Variants in HINFP observed in about 807,000 individuals in gnomAD.
HINFP encodes histone H4 transcription factor, also known as MBD2 (methyl-CpG-binding protein)-interacting zinc finger protein.
In HINFP, 20 loss-of-function variants were observed where a neutral mutation model predicts 50.1. That is an observed-to-expected ratio of 0.40 (90% confidence interval 0.28 to 0.58). HINFP has a LOEUF of 0.58. HINFP is among the 20% of genes least tolerant of loss of function. The probability of loss-of-function intolerance (pLI) is 0.45; values close to 1 mark genes in which losing one functional copy is unlikely to be tolerated. For missense variants in HINFP, 505 were observed against 664.1 expected (o/e 0.76, Z 2.63); for synonymous variants, 247 against 243.7 (o/e 1.01, Z -0.13).
rs200463414 is a variant in HINFP, at chr11:119,131,543, C to T, written c.420C>T (p.Phe140=). The T allele has an allele frequency of 1.7e-5, 27 of 1,613,624 alleles. No homozygotes were observed. The highest frequency in any genetic ancestry group is 1.7e-4 in the Middle Eastern group (1 of 6,056). Reference sequence around the variant, plus strand: ...AGTTGCCCCTGGCACAGAATTCCTTCGACAATCCTGAGTGGTTTTATCGGC... The same window carrying T: ...AGTTGCCCCTGGCACAGAATTCCTTTGACAATCCTGAGTGGTTTTATCGGC... ...LCLWEHCENS[F]DNPEWFYRHV... is the part of the protein sequence containing the mutation. The change falls in exon 4 of 10, where the codon TTC becomes TTT. Residue 140 remains phenylalanine (F), a synonymous_variant. Transcript: ENST00000350777. This position sits in a 1 kb window ranked among gnomAD's most constrained non-coding sequence, Gnocchi z 4.2.
chr11:119,126,742 C>T, intron 1 of HINFP, 193 bp from the exon 2 acceptor site: 1 of 536,604 alleles, frequency 1.9e-6, no homozygotes, highest in South Asian at 2.6e-5. Flanking sequence ...TTTTTGTTTT[C>T]CCTTTCCACA....
chr11:119,133,216 T>C lies in HINFP; in HGVS notation c.1136T>C (p.Phe379Ser), dbSNP rs1346118664. ...QFKWPSGHPR[F>S]RYKEHEDGYM... The stretch of plus-strand genomic sequence containing the variant: ...AAGTGGCCCTCAGGGCATCCCCGTT[T>C]TCGGTATGTCTCTCAACCCTCCTTC... The change falls in exon 9 of 10, where the codon TTT (phenylalanine) becomes TCT (serine). Residue 379 changes from phenylalanine (F) to serine (S), a missense_variant. By Grantham distance (155) the Phe-to-Ser change is radical (BLOSUM62 -2). Transcript: ENST00000350777. 1.2e-6 allele frequency: 2 copies of C among 1,613,996 alleles called. No individual in the cohort carries two copies. Among genetic ancestry groups the C allele is most frequent in the Non-Finnish European group, 1.7e-6 (2 of 1,179,996 alleles).
intron 1 of HINFP, among the ~76,000 whole-genome samples, chr11:119,123,150 AAG>A (rs1947179229): frequency 6.6e-6 from 1 of 151,318 alleles, no homozygotes; most frequent in Non-Finnish European, 1.5e-5. Flanking sequence ...AAAAAAAAAA[AAG>A]AACTTGCGTA....
At chr11:119,122,759 A>G (rs1456643221) in intron 1 of HINFP, among the ~76,000 whole-genome samples, 1 of 152,204 alleles carries the variant, frequency 6.6e-6, no homozygotes, top group Non-Finnish European at 1.5e-5. Context: ...GGGATATGCC[A>G]GCTGTACCTG....
chr11:119,132,543 C>A lies in HINFP; in HGVS notation c.724C>A (p.Arg242=). Residue 242 remains arginine (R), a synonymous_variant, in exon 6 of 10, where the codon CGG becomes AGG. Transcript: ENST00000350777. Reference sequence around the variant, plus strand: ...CTGTTCCAAGAGATTTGCCACAGAGCGGCTATTGCGGGACCACATGCGCAA... The same window carrying A: ...CTGTTCCAAGAGATTTGCCACAGAGAGGCTATTGCGGGACCACATGCGCAA... ...SHCSKRFATE[R]LLRDHMRNHV... is the part of the protein sequence containing the mutation. 1 of 1,614,110 alleles carries A rather than the reference C, an allele frequency of 6.2e-7. No homozygotes were observed. Among genetic ancestry groups the A allele is most frequent in the Non-Finnish European group, 8.5e-7 (1 of 1,180,040 alleles).
rs779706612 is a variant in HINFP, at chr11:119,132,989, GC to G, written c.1002del (p.Val336TyrfsTer64). 3 of 1,614,214 alleles carry G rather than the reference GC, an allele frequency of 1.9e-6. No individual in the cohort carries two copies. Among genetic ancestry groups the G allele is most frequent in the Non-Finnish European group, 2.5e-6 (3 of 1,180,052 alleles). ...RSLCSIKSHY[R>X]KVHEGDSEPR... ...CTCTGCTCTATCAAGTCCCATTACC[GC>G]AAAGTACATGAAGTGAGTGGGGCTG... On this transcript the variant is annotated frameshift_variant, in exon 8 of 10. Transcript: ENST00000350777. LOFTEE classifies it high-confidence loss of function.
intron 2 of HINFP, chr11:119,129,988 CTG>C (rs1947663095): frequency 6.6e-6 from 1 of 152,138 alleles, no homozygotes; most frequent in Non-Finnish European, 1.5e-5. Flanking sequence ...TCTAAAGTAT[CTG>C]TGTTTCAAAA....
At chr11:119,122,276 T>TTTCA (rs1220621398) in intron 1 of HINFP, among the ~76,000 whole-genome samples, 1 of 152,084 alleles carries the variant, frequency 6.6e-6, no homozygotes, top group Non-Finnish European at 1.5e-5. Flanking sequence ...TTTGCCTAGG[T>TTTCA]TTCAGATCAT....
At chr11:119,123,278 G>A (rs1450499129) in intron 1 of HINFP, among the ~76,000 whole-genome samples, 1 of 152,148 alleles carries the variant, frequency 6.6e-6, no homozygotes, top group Non-Finnish European at 1.5e-5. Context: ...GGGAGAAAGA[G>A]CATGATCTTT....
intron 1 of HINFP, chr11:119,124,301 C>T (rs372570559): frequency 1.5e-4 from 23 of 152,192 alleles, no homozygotes; most frequent in African/African-American, 5.1e-4. Context: ...TCTGTTTTTT[C>T]GTATTTTCTG....
chr11:119,132,353 A>G (rs1947810152), intron 5 of HINFP, 143 bp from the exon 6 acceptor site: 1 of 738,608 alleles, frequency 1.4e-6, no homozygotes, highest in Admixed American at 2.6e-5. Flanking sequence ...TGCTCTTTCC[A>G]TGATACTGTG....
intron 1 of HINFP, chr11:119,121,867 G>C (rs1947078612): frequency 6.6e-6 from 1 of 152,494 alleles, no homozygotes. Context: ...ACTGCGAGTG[G>C]AGAGGTTTTG....
chr11:119,134,431 C>T lies in HINFP; in HGVS notation c.1487C>T (p.Pro496Leu). The stretch of plus-strand genomic sequence containing the variant: ...GGGGAGCCTCCCCCAGCCCCTGAGC[C>T]ACCTTCAGGGGGCATCATGGAAAAG... The part of the protein sequence containing the change: ...APGEPPPAPE[P>L]PSGGIMEKLQ... Residue 496 changes from proline to leucine, a missense_variant, in exon 10 of 10, where the codon CCA becomes CTA. Physicochemically the swap from Pro to Leu is moderately conservative, Grantham distance 98. Coordinates refer to ENST00000350777, the MANE Select transcript of HINFP (RefSeq NM_198971.3). This position sits in a 1 kb window ranked among gnomAD's most constrained non-coding sequence, Gnocchi z 4.3. 1 of 1,614,144 alleles carries T rather than the reference C, an allele frequency of 6.2e-7. No individual in the cohort carries two copies. Among genetic ancestry groups the T allele is most frequent in the Non-Finnish European group, 8.5e-7 (1 of 1,179,978 alleles).
At chr11:119,121,986 GTC>G (rs1425901148) in intron 1 of HINFP, 3 of 152,318 alleles carry the variant, frequency 2.0e-5, no homozygotes, top group Non-Finnish European at 4.4e-5. Context: ...CCGCGGAGGT[GTC>G]TCTCTGTCCT....
chr11:119,130,346 G>A (rs1189054492), intron 2 of HINFP: 7 of 248,082 alleles, frequency 2.8e-5, no homozygotes, highest in Non-Finnish European at 4.8e-5. Flanking sequence ...TCAACATGGG[G>A]ACGTTTCTCA....
chr11:119,131,762 T>C lies in HINFP; in HGVS notation c.524-68T>C. On this transcript the variant is annotated intron_variant, in intron 4 of 9. Transcript: ENST00000350777. This position sits in a 1 kb window ranked among gnomAD's most constrained non-coding sequence, Gnocchi z 4.2. ...AAGGTTGACTGCCGGCTGGAGAGAC[T>C]CAGGGGTACCAGATCCTAGGCAAAA... The C allele has an allele frequency of 6.2e-7, 1 of 1,608,028 alleles. No homozygotes were observed.
In HINFP at chr11:119,128,891, C is replaced by T. The variant is rs199837983; in HGVS notation, c.181+1766C>T. 1.7e-4 allele frequency among the ~76,000 whole-genome samples: 26 copies of T among 151,466 alleles called. No homozygotes were observed. The East Asian group carries it at 1.9e-3, about 11-fold the overall frequency. On this transcript the variant is annotated intron_variant, in intron 2 of 9. Transcript: ENST00000350777. ...TTTTTTTTTGTATTTTTAGTAGAGA[C>T]GGGGTTTCACTGTGTTAGCCAGGAT...
At chr11:119,132,444 G>T in intron 5 of HINFP, 52 bp from the exon 6 acceptor site, 1 of 1,586,630 alleles carries the variant, frequency 6.3e-7, no homozygotes. Context: ...TCCTTTCTGT[G>T]CCTCTCCACT....
In HINFP at chr11:119,132,206, G is replaced by A. The variant is rs554556265; in HGVS notation, c.676+224G>A. Reference sequence around the variant, plus strand: ...AGTTACTTAGGGAATCCTCACAACAGCCCCATGAGGTAGGCTTCTTATCCC... The same window carrying A: ...AGTTACTTAGGGAATCCTCACAACAACCCCATGAGGTAGGCTTCTTATCCC... On this transcript the variant is annotated intron_variant, in intron 5 of 9. Coordinates refer to ENST00000350777, the MANE Select transcript of HINFP (RefSeq NM_198971.3). 6.4e-6 allele frequency: 4 copies of A among 621,254 alleles called. No homozygotes were observed. The Admixed American group carries it at 1.2e-4, about 18-fold the overall frequency. 38.5% of individuals were successfully genotyped at this position (621,254 alleles called of 1,614,324 possible).
Sources: gnomAD v4.1 joint callset for allele counts (sites outside exome capture counted in the v4.1 genomes callset) on GRCh38, gnomAD v4.1.1 for gene constraint, Gnocchi (gnomAD v3.1) non-coding constraint, MANE v1.5 for transcripts, NCBI Gene and HGNC (gene_info 2026-07-23, HGNC 2026-07-21) for gene names.